Variants in GALNTL6 observed in about 807,000 individuals in gnomAD.
GALNTL6 encodes polypeptide N-acetylgalactosaminyltransferase like 6.
Under a neutral mutation model 73.7 loss-of-function variants are expected in GALNTL6, and 46 were observed. That is an observed-to-expected ratio of 0.62 (90% confidence interval 0.49 to 0.80). GALNTL6 has a LOEUF of 0.80. Among genes scored for constraint, GALNTL6 ranks in the 30% least tolerant of loss-of-function variants. The probability of loss-of-function intolerance (pLI) is 0.00; values close to 1 mark genes in which losing one functional copy is unlikely to be tolerated. For synonymous variants in GALNTL6, 259 were observed against 263.7 expected, an observed-to-expected ratio of 0.98 and a Z score of 0.17; for missense variants, 604 against 755.0, an observed-to-expected ratio of 0.80 and a Z score of 2.34.
At position 171,919,893 on chromosome 4, in the gene GALNTL6, A is replaced by C. The variant is rs577153243; in HGVS notation, c.138+105175A>C. 3.5e-3 allele frequency among the ~76,000 whole-genome samples: 532 copies of C among 152,234 alleles called. 6 individuals are homozygous for C. The highest frequency in any genetic ancestry group is 0.012 in the African/African-American group (504 of 41,558). ...AACTAGAAATACCATTTGACCCAGC[A>C]ATCCCATTACTGGGTGTATACTGAA... On this transcript the variant is annotated intron_variant, in intron 2 of 12. Transcript: ENST00000506823.
intron 4 of GALNTL6, among the ~76,000 whole-genome samples, chr4:172,337,256 T>G (rs1020603534): frequency 6.6e-6 from 1 of 152,156 alleles, no homozygotes; most frequent in African/African-American, 2.4e-5. Flanking sequence ...AGTAGGACCA[T>G]GTACCTTCAA....
chr4:172,059,398 C>G (rs73867604), intron 2 of GALNTL6, among the ~76,000 whole-genome samples: 1 of 152,086 alleles, frequency 6.6e-6, no homozygotes, highest in Non-Finnish European at 1.5e-5. Context: ...TGTGCTCATA[C>G]TCGACATTAC....
chr4:172,698,042 A>G (rs373825261), intron 5 of GALNTL6, among the ~76,000 whole-genome samples: 63 of 152,252 alleles, frequency 4.1e-4, no homozygotes, highest in Middle Eastern at 3.4e-3. Context: ...CTATGTGACA[A>G]TAGAAACTCT....
intron 3 of GALNTL6, among the ~76,000 whole-genome samples, chr4:172,279,495 A>G (rs1296203492): frequency 1.3e-5 from 2 of 152,168 alleles, no homozygotes; most frequent in Non-Finnish European, 1.5e-5. Flanking sequence ...GGAAATACAA[A>G]CCAAAACTAC....
intron 2 of GALNTL6, among the ~76,000 whole-genome samples, chr4:172,054,116 C>T (rs1390439630): frequency 6.6e-6 from 1 of 151,990 alleles, no homozygotes; most frequent in Non-Finnish European, 1.5e-5. Flanking sequence ...TAACGCTACA[C>T]TTTAACATAT....
chr4:172,935,352 T>C (rs539776823), intron 9 of GALNTL6, among the ~76,000 whole-genome samples: 106 of 152,280 alleles, frequency 7.0e-4, no homozygotes, highest in Middle Eastern at 6.8e-3. Context: ...AATTTCACCC[T>C]AATATCAAAA....
chr4:172,661,735 T>C (rs1731388881), intron 5 of GALNTL6, among the ~76,000 whole-genome samples: 1 of 152,170 alleles, frequency 6.6e-6, no homozygotes, highest in Non-Finnish European at 1.5e-5. Context: ...TCCAGTAATG[T>C]TCCAGGACTT....
intron 5 of GALNTL6, among the ~76,000 whole-genome samples, chr4:172,544,122 G>A (rs1295383448): frequency 1.3e-5 from 2 of 152,292 alleles, no homozygotes; most frequent in African/African-American, 4.8e-5. Flanking sequence ...GCTACAGAAA[G>A]CTGTTGTGCC....
At chr4:172,458,832 G>A (rs1278043978) in intron 5 of GALNTL6, among the ~76,000 whole-genome samples, 2 of 152,038 alleles carry the variant, frequency 1.3e-5, no homozygotes, top group African/African-American at 4.8e-5. Flanking sequence ...CCAAACAACA[G>A]AAAAAGAGGG....
chr4:172,753,405 AT>A (rs1025528295), intron 5 of GALNTL6, among the ~76,000 whole-genome samples: 4 of 152,156 alleles, frequency 2.6e-5, no homozygotes, highest in Non-Finnish European at 4.4e-5. Flanking sequence ...TCACACCCTT[AT>A]CATTAAATAT....
At chr4:172,482,970 CT>C (rs1198326759) in intron 5 of GALNTL6, among the ~76,000 whole-genome samples, 1 of 151,242 alleles carries the variant, frequency 6.6e-6, no homozygotes, top group Non-Finnish European at 1.5e-5. Context: ...AATGGGGATA[CT>C]TTAAGTACAA....
At chr4:172,834,443 A>T (rs191473668) in intron 7 of GALNTL6, among the ~76,000 whole-genome samples, 29 of 152,340 alleles carry the variant, frequency 1.9e-4, no homozygotes, top group African/African-American at 7.0e-4. Flanking sequence ...TTGACCACTC[A>T]TGCCACTGAC....
chr4:171,993,823 T>C (rs1457944780), intron 2 of GALNTL6, among the ~76,000 whole-genome samples: 1 of 151,732 alleles, frequency 6.6e-6, no homozygotes, highest in Non-Finnish European at 1.5e-5. Context: ...TATATATATG[T>C]AATGTAAAGA....
At chr4:171,938,566 C>T (rs1007517205) in intron 2 of GALNTL6, among the ~76,000 whole-genome samples, 1 of 152,034 alleles carries the variant, frequency 6.6e-6, no homozygotes, top group Non-Finnish European at 1.5e-5. Flanking sequence ...GAATTAAAAG[C>T]AATGTTGAAT....
At chr4:172,393,196 C>A (rs1203040892) in intron 5 of GALNTL6, among the ~76,000 whole-genome samples, 8 of 152,150 alleles carry the variant, frequency 5.3e-5, no homozygotes, top group African/African-American at 1.9e-4. Context: ...ATGAACACAG[C>A]AGAGGTGACT....
chr4:172,200,342 A>C (rs13144434), intron 2 of GALNTL6, among the ~76,000 whole-genome samples: 1 of 152,318 alleles, frequency 6.6e-6, no homozygotes, highest in East Asian at 1.9e-4. Flanking sequence ...TCATGGCTAG[A>C]CATTGATTTT....
chr4:172,707,856 C>A (rs1734450961), intron 5 of GALNTL6, among the ~76,000 whole-genome samples: 2 of 152,096 alleles, frequency 1.3e-5, no homozygotes, highest in South Asian at 4.2e-4. Flanking sequence ...GATCAGATAT[C>A]AAGGGTGAGA....
chr4:172,851,670 G>T (rs1427056997), intron 7 of GALNTL6, among the ~76,000 whole-genome samples: 1 of 152,110 alleles, frequency 6.6e-6, no homozygotes, highest in Non-Finnish European at 1.5e-5. Flanking sequence ...ATAAAAGGAA[G>T]TTGGGCAATG....
intron 2 of GALNTL6, among the ~76,000 whole-genome samples, chr4:172,214,978 A>G (rs949627055): frequency 3.3e-5 from 5 of 151,782 alleles, no homozygotes; most frequent in African/African-American, 1.2e-4. Flanking sequence ...TTGATGTTTT[A>G]TTTTCATTTA....
Sources: allele counts gnomAD v4.1 joint callset (sites outside exome capture counted in the v4.1 genomes callset), GRCh38; gene constraint gnomAD v4.1.1; transcripts MANE v1.5; gene names NCBI Gene and HGNC (gene_info 2026-07-23, HGNC 2026-07-21).